Variants in PRELID2 observed in about 807,000 individuals in gnomAD.
PRELID2 encodes the protein PRELI domain containing 2, also known as PRELI domain-containing protein 2.
Under a neutral mutation model 28.4 loss-of-function variants are expected in PRELID2, and 25 were observed. That is an observed-to-expected ratio of 0.88 (90% confidence interval 0.64 to 1.23). PRELID2 has a LOEUF of 1.23. Ranked by LOEUF, PRELID2 falls within the 50% of genes most tolerant of loss-of-function variation. PRELID2 has a pLI of 0.00. For synonymous variants in PRELID2, 76 were observed against 71.6 expected (o/e 1.06, Z -0.31); for missense variants, 201 against 214.4 (o/e 0.94, Z 0.39).
intron 1 of PRELID2, among the ~76,000 whole-genome samples, 168 bp from the exon 2 acceptor site, chr5:145,823,302 G>C (rs1232088205): frequency 6.6e-6 from 1 of 152,150 alleles, no homozygotes; most frequent in East Asian, 1.9e-4. Flanking sequence ...GCCTAGATAA[G>C]TGAGATGCTA....
chr5:145,601,046 C>G lies in PRELID2; in HGVS notation n.71-127731G>C, dbSNP rs144909328. Among the ~76,000 whole-genome samples, 398 of 152,104 alleles carry G rather than the reference C, an allele frequency of 2.6e-3. 2 individuals are homozygous for G. Among genetic ancestry groups the G allele is most frequent in the African/African-American group, 9.2e-3 (383 of 41,504 alleles). On this transcript the variant is annotated intron_variant and non_coding_transcript_variant, in intron 1 of 2. Coordinates refer to the PRELID2 transcript ENST00000510259. ...TGAAGCATGCCTGTAGTCCTAACTA[C>G]TGGGGAGACTGAGGTGGGAGGATCA... is the stretch of plus-strand genomic sequence containing the variant.
At chr5:145,604,738 GT>G (rs376826516) in intron 1 of PRELID2, among the ~76,000 whole-genome samples, 15,682 of 111,436 alleles carry the variant, frequency 0.14, 1,268 homozygotes, top group African/African-American at 0.23. Flanking sequence ...ACCAGCATCT[GT>G]TTTTTTTGGT....
chr5:145,391,349 G>A, the PRELID2 span, among the ~76,000 whole-genome samples: 1 of 152,186 alleles, frequency 6.6e-6, no homozygotes, highest in South Asian at 2.1e-4. Context: ...AAGGCTTGGG[G>A]TTTGCACCCT....
chr5:145,355,858 G>A, the PRELID2 span, among the ~76,000 whole-genome samples: 16 of 152,106 alleles, frequency 1.1e-4, no homozygotes, highest in Non-Finnish European at 1.5e-5. Context: ...GAGCTGGTAT[G>A]TACTTTATGT....
At chr5:145,709,022 G>T (rs902984118) in intron 1 of PRELID2, among the ~76,000 whole-genome samples, 1 of 152,192 alleles carries the variant, frequency 6.6e-6, no homozygotes, top group Non-Finnish European at 1.5e-5. Context: ...GGGTGAGAAA[G>T]CTGCTCCAGC....
intron 1 of PRELID2, among the ~76,000 whole-genome samples, chr5:145,481,043 C>A (rs1426184237): frequency 3.3e-5 from 5 of 152,050 alleles, no homozygotes; most frequent in African/African-American, 9.7e-5. Flanking sequence ...CTCTATAATT[C>A]TTTGGTCCTG....
At chr5:145,727,176 C>G (rs1211921906) in intron 1 of PRELID2, among the ~76,000 whole-genome samples, 1 of 152,070 alleles carries the variant, frequency 6.6e-6, no homozygotes, top group African/African-American at 2.4e-5. Flanking sequence ...ATTTATATGG[C>G]CAATTCCAAG....
chr5:145,300,700 C>T, the PRELID2 span, among the ~76,000 whole-genome samples: 8 of 128,418 alleles, frequency 6.2e-5, no homozygotes, highest in African/African-American at 1.1e-4. Context: ...TTTTTATTTA[C>T]TTTTTTTTTT....
intron 1 of PRELID2, among the ~76,000 whole-genome samples, chr5:145,604,637 T>G (rs1753469297): frequency 6.6e-6 from 1 of 151,662 alleles, no homozygotes; most frequent in Admixed American, 6.6e-5. Flanking sequence ...TCTAAGTTCT[T>G]TGAGAAATCA....
At chr5:145,517,322 T>C (rs1752525609) in intron 1 of PRELID2, among the ~76,000 whole-genome samples, 2 of 151,546 alleles carry the variant, frequency 1.3e-5, no homozygotes, top group East Asian at 1.9e-4. Flanking sequence ...CATCAAAATA[T>C]GGGTGAAAGA....
At chr5:145,335,425 T>C in the PRELID2 span, among the ~76,000 whole-genome samples, 1 of 151,970 alleles carries the variant, frequency 6.6e-6, no homozygotes, top group South Asian at 2.1e-4. Flanking sequence ...TTACTTAAAA[T>C]AATTATTTTG....
At chr5:145,270,506 CA>C in the PRELID2 span, among the ~76,000 whole-genome samples, 1 of 152,062 alleles carries the variant, frequency 6.6e-6, no homozygotes, top group Non-Finnish European at 1.5e-5. Context: ...CTTATTTATA[CA>C]ATGTTCTCAA....
At chr5:145,781,723 ATATATATACTATATATATACTATATC>A (rs924946723) in intron 5 of PRELID2, among the ~76,000 whole-genome samples, 1 of 146,490 alleles carries the variant, frequency 6.8e-6, no homozygotes, top group Non-Finnish European at 1.5e-5. Flanking sequence ...CACACACTAT[ATATATATACTATATATATACTATATC>A]TATATATATA....
chr5:145,690,522 T>C (rs920876389), intron 1 of PRELID2, among the ~76,000 whole-genome samples: 1 of 152,270 alleles, frequency 6.6e-6, no homozygotes, highest in African/African-American at 2.4e-5. Context: ...TGCAGCTACA[T>C]GACAACCACA....
exon 3 of PRELID2, chr5:145,471,979 T>G (rs1048693344): frequency 1.3e-5 from 2 of 152,118 alleles, no homozygotes; most frequent in Admixed American, 1.3e-4. Context: ...TGAGTCATCA[T>G]TGTTTAGTCT....
chr5:145,337,741 A>T, the PRELID2 span, among the ~76,000 whole-genome samples: 9 of 143,110 alleles, frequency 6.3e-5, no homozygotes, highest in African/African-American at 1.6e-4. Context: ...ACTCACACAC[A>T]CACACACACA....
chr5:145,726,235 A>ATGAGGGAGGGAGGGAGG (rs1554086556), intron 1 of PRELID2, among the ~76,000 whole-genome samples: 2,408 of 91,080 alleles, frequency 0.026, 94 homozygotes, highest in African/African-American at 0.11. Flanking sequence ...GAAGGAAGGA[A>ATGAGGGAGGGAGGGAGG]GGAGGGAGGG....
the PRELID2 span, among the ~76,000 whole-genome samples, chr5:145,377,748 C>T: frequency 2.6e-5 from 4 of 151,992 alleles, no homozygotes; most frequent in Non-Finnish European, 5.9e-5. Context: ...GTCATTTCAC[C>T]CATCAAGAAA....
In PRELID2 at chr5:145,741,967, TAA is replaced by T. The variant is rs1198261408; in HGVS notation, n.70+22962_70+22963del. Among the ~76,000 whole-genome samples the T allele has an allele frequency of 8.6e-5, 5 of 58,226 alleles. 1 individual carries two copies. The highest frequency in any genetic ancestry group is 2.9e-4 in the African/African-American group (5 of 17,352). The allele number at this position is 58,226 out of a possible 152,430, so 38.2% of individuals were successfully genotyped here. ...AATAAATTTATTATAATTAAATAAA[TAA>T]ATTTATTTAATTATAATAAATTTAT... On this transcript the variant is annotated intron_variant and non_coding_transcript_variant, in intron 1 of 2. Transcript: ENST00000510259.
Sources: allele counts gnomAD v4.1 joint callset (sites outside exome capture counted in the v4.1 genomes callset), GRCh38; gene constraint gnomAD v4.1.1; transcripts MANE v1.5; gene names NCBI Gene and HGNC (gene_info 2026-07-23, HGNC 2026-07-21).